The following SLC22A3 variants were observed in gnomAD, a reference collection of about 807,000 sequenced individuals.
SLC22A3 encodes solute carrier family 22 member 3, also known as EMT organic cation transporter 3.
A neutral mutation model predicts 59.1 loss-of-function variants in SLC22A3; 51 were observed. The ratio of observed to expected loss-of-function variants is 0.86; its 90% CI spans 0.69 to 1.09. The LOEUF is 1.09. Among genes scored for constraint, SLC22A3 ranks in the 50% least tolerant of loss-of-function variants. SLC22A3 has a pLI of 0.00. For missense variants in SLC22A3, 711 were observed against 726.3 expected, an observed-to-expected ratio of 0.98 and a Z score of 0.24; for synonymous variants, 325 against 292.0, an observed-to-expected ratio of 1.11 and a Z score of -1.15.
chr6:160,447,625 T>G, intron 9 of SLC22A3, 94 bp from the exon 10 acceptor site: 1 of 1,030,214 alleles, frequency 9.7e-7, no homozygotes, highest in Non-Finnish European at 1.5e-6. Context: ...GCTACTCCAG[T>G]GAGCAACATG....
intron 1 of SLC22A3, among the ~76,000 whole-genome samples, chr6:160,392,914 T>A (rs540944461): frequency 3.4e-5 from 5 of 147,546 alleles, no homozygotes; most frequent in South Asian, 2.1e-4. Context: ...TATTATTATT[T>A]TTAATACTGA....
chr6:160,434,083 T>C (rs1399415090), intron 5 of SLC22A3, among the ~76,000 whole-genome samples: 1 of 152,130 alleles, frequency 6.6e-6, no homozygotes, highest in Non-Finnish European at 1.5e-5. Flanking sequence ...CAAGTCTGAG[T>C]TGTGGAAAAG....
intron 1 of SLC22A3, among the ~76,000 whole-genome samples, chr6:160,358,070 A>G (rs2114745401): frequency 6.6e-6 from 1 of 152,370 alleles, no homozygotes; most frequent in Non-Finnish European, 1.5e-5. Flanking sequence ...TCAACTCCAG[A>G]GATCATTAGA....
At chr6:160,431,103 C>G (rs1413875497) in intron 5 of SLC22A3, among the ~76,000 whole-genome samples, 1 of 152,176 alleles carries the variant, frequency 6.6e-6, no homozygotes, top group Non-Finnish European at 1.5e-5. Context: ...ATGTAAATAT[C>G]ATAAAGTGCA....
intron 1 of SLC22A3, among the ~76,000 whole-genome samples, chr6:160,393,144 C>T (rs781448425): frequency 2.6e-5 from 4 of 151,922 alleles, no homozygotes; most frequent in Non-Finnish European, 5.9e-5. Context: ...CTTAGAATCT[C>T]TTAAGTGAGA....
At chr6:160,397,157 G>A (rs529900371) in intron 1 of SLC22A3, among the ~76,000 whole-genome samples, 3 of 152,240 alleles carry the variant, frequency 2.0e-5, no homozygotes, top group African/African-American at 7.2e-5. Context: ...GCTGTTCGGG[G>A]AGATGGTTTC....
chr6:160,383,376 C>T (rs77944283), intron 1 of SLC22A3, among the ~76,000 whole-genome samples: 3,688 of 152,140 alleles, frequency 0.024, 148 homozygotes, highest in Middle Eastern at 0.11. Context: ...TCAGAAAGAG[C>T]ACCCCACTCC....
At chr6:160,409,328 A>G (rs553024635) in intron 4 of SLC22A3, among the ~76,000 whole-genome samples, 1 of 104,332 alleles carries the variant, frequency 9.6e-6, no homozygotes, top group East Asian at 2.5e-4. Flanking sequence ...AATTTCATCC[A>G]TGTCCCTACA....
At chr6:160,439,561 T>C (rs182538169) in intron 7 of SLC22A3, among the ~76,000 whole-genome samples, 2 of 152,230 alleles carry the variant, frequency 1.3e-5, no homozygotes, top group Non-Finnish European at 2.9e-5. Flanking sequence ...ACTAGCCGGA[T>C]AGTCATATAA....
intron 1 of SLC22A3, among the ~76,000 whole-genome samples, chr6:160,373,084 T>C (rs1740093966): frequency 6.6e-6 from 1 of 152,196 alleles, no homozygotes; most frequent in Admixed American, 6.5e-5. Flanking sequence ...AGAAGCAGTG[T>C]CCTGGCTTTT....
intron 1 of SLC22A3, among the ~76,000 whole-genome samples, chr6:160,384,354 T>C (rs1411632614): frequency 1.3e-5 from 2 of 152,246 alleles, no homozygotes; most frequent in South Asian, 2.1e-4. Context: ...TTTACACCAA[T>C]GGAATCATAT....
chr6:160,438,246 T>C (rs1788422177), intron 7 of SLC22A3, among the ~76,000 whole-genome samples: 1 of 152,002 alleles, frequency 6.6e-6, no homozygotes, highest in Admixed American at 6.6e-5. Context: ...CAGAAGATCC[T>C]TACCCTAGAA....
chr6:160,348,604 G>T lies in SLC22A3; in HGVS notation c.185G>T (p.Arg62Leu), dbSNP rs773476215. ...CCAAGTGCCGCGGCGCTGGCCGAGC[G>T]CTGCGGCTGGAGCCCGGAGGAGGAG... The part of the protein sequence containing the change: ...RGPSAAALAE[R>L]CGWSPEEEWN... Residue 62 changes from arginine (R) to leucine (L), a missense_variant, in exon 1 of 11, where the codon CGC becomes CTC. By Grantham distance (102) the Arg-to-Leu change is moderately radical (BLOSUM62 -2). Transcript: ENST00000275300. 54 of 1,509,502 alleles carry T rather than the reference G, an allele frequency of 3.6e-5. No homozygotes were observed. The South Asian group carries it at 6.4e-4, about 18-fold the overall frequency. 93.5% of individuals were successfully genotyped at this position (1,509,502 alleles called of 1,614,324 possible).
chr6:160,362,871 A>T (rs2114755515), intron 1 of SLC22A3, among the ~76,000 whole-genome samples: 1 of 152,298 alleles, frequency 6.6e-6, no homozygotes, highest in East Asian at 1.9e-4. Flanking sequence ...GAGCTCCAAC[A>T]GGGCTGGGCC....
chr6:160,380,146 A>G (rs1785743813), intron 1 of SLC22A3, among the ~76,000 whole-genome samples: 1 of 152,180 alleles, frequency 6.6e-6, no homozygotes, highest in Non-Finnish European at 1.5e-5. Flanking sequence ...TAATCTACAG[A>G]AATTACCAAA....
chr6:160,364,966 A>C (rs1785155018), intron 1 of SLC22A3, among the ~76,000 whole-genome samples: 1 of 152,106 alleles, frequency 6.6e-6, no homozygotes, highest in Non-Finnish European at 1.5e-5. Context: ...GCTTTATATC[A>C]ATATAATGAT....
intron 1 of SLC22A3, among the ~76,000 whole-genome samples, chr6:160,362,412 G>C (rs977008375): frequency 6.6e-6 from 1 of 152,194 alleles, no homozygotes; most frequent in Non-Finnish European, 1.5e-5. Context: ...AACCCTCTGC[G>C]AGACTCTGCT....
At chr6:160,412,283 A>T (rs1583489900) in intron 5 of SLC22A3, among the ~76,000 whole-genome samples, 1 of 152,254 alleles carries the variant, frequency 6.6e-6, no homozygotes, top group East Asian at 1.9e-4. Context: ...GAATCACTTG[A>T]ACCCAGGAGG....
chr6:160,437,808 A>G (rs1298714649), intron 7 of SLC22A3, among the ~76,000 whole-genome samples: 1 of 152,196 alleles, frequency 6.6e-6, no homozygotes, highest in Non-Finnish European at 1.5e-5. Context: ...ATGCGTGAAG[A>G]CTCAAATGTG....
Sources: allele counts gnomAD v4.1 joint callset (sites outside exome capture counted in the v4.1 genomes callset), GRCh38; gene constraint gnomAD v4.1.1; transcripts MANE v1.5; gene names NCBI Gene and HGNC (gene_info 2026-07-23, HGNC 2026-07-21).